GABRB1: variants seen among roughly 807,000 people sequenced by gnomAD.
GABRB1 encodes the protein gamma-aminobutyric acid type A receptor subunit beta1.
In GABRB1, 17 loss-of-function variants were observed where a neutral mutation model predicts 51.6. The ratio of observed to expected loss-of-function variants is 0.33; its 90% CI spans 0.23 to 0.49. GABRB1 has a LOEUF of 0.49. GABRB1 is among the 20% of genes least tolerant of loss of function. The pLI is 0.99. For synonymous variants in GABRB1, 247 were observed against 218.9 expected, an observed-to-expected ratio of 1.13 and a Z score of -1.14; for missense variants, 410 against 600.6, an observed-to-expected ratio of 0.68 and a Z score of 3.32.
intron 3 of GABRB1, among the ~76,000 whole-genome samples, chr4:47,113,477 A>C (rs1292118420): frequency 2.0e-5 from 3 of 152,242 alleles, no homozygotes; most frequent in Non-Finnish European, 4.4e-5. Context: ...CATATGTTAA[A>C]CAATAAATAG....
chr4:47,391,202 G>A (rs1412713503), intron 5 of GABRB1, among the ~76,000 whole-genome samples: 2 of 143,178 alleles, frequency 1.4e-5, no homozygotes, highest in Non-Finnish European at 3.0e-5. Flanking sequence ...GAAAGAAAAG[G>A]AGTAAGCCTT....
intron 3 of GABRB1, among the ~76,000 whole-genome samples, chr4:47,049,106 G>A (rs904409319): frequency 1.3e-5 from 2 of 151,524 alleles, no homozygotes; most frequent in African/African-American, 2.4e-5. Context: ...GAGTTTTTCG[G>A]TGCAAATCCA....
chr4:47,026,413 G>T (rs1725096889), intron 1 of GABRB1, among the ~76,000 whole-genome samples: 1 of 151,926 alleles, frequency 6.6e-6, no homozygotes, highest in Non-Finnish European at 1.5e-5. Context: ...TTTTATAAAA[G>T]AAGATAAAAA....
chr4:47,019,530 A>G (rs1724845091), intron 1 of GABRB1, among the ~76,000 whole-genome samples: 1 of 149,476 alleles, frequency 6.7e-6, no homozygotes, highest in Non-Finnish European at 1.5e-5. Flanking sequence ...TCCAAGATAA[A>G]GGTGTCAGCA....
At chr4:47,152,789 C>T (rs1001799952) in intron 3 of GABRB1, among the ~76,000 whole-genome samples, 1 of 152,002 alleles carries the variant, frequency 6.6e-6, no homozygotes, top group Non-Finnish European at 1.5e-5. Context: ...TCCTTTGGTG[C>T]CTCCTTCTCC....
chr4:47,329,036 T>A (rs973494938), intron 5 of GABRB1, among the ~76,000 whole-genome samples: 2 of 152,080 alleles, frequency 1.3e-5, no homozygotes, highest in Non-Finnish European at 2.9e-5. Flanking sequence ...TTTATTCAAG[T>A]AAAGCACTAC....
chr4:47,092,494 G>T (rs1728365742), intron 3 of GABRB1, among the ~76,000 whole-genome samples: 1 of 151,714 alleles, frequency 6.6e-6, no homozygotes, highest in Non-Finnish European at 1.5e-5. Context: ...ATTCTAAAGG[G>T]CTTGGCACCT....
At chr4:47,231,892 T>G (rs565988935) in intron 4 of GABRB1, among the ~76,000 whole-genome samples, 1 of 152,332 alleles carries the variant, frequency 6.6e-6, no homozygotes, top group African/African-American at 2.4e-5. Flanking sequence ...AACAAATTGG[T>G]GATGCTGATC....
At position 47,361,786 on chromosome 4, in the gene GABRB1, TTGA is replaced by T. The variant is rs1726815128; in HGVS notation, c.545-41527_545-41525del. 2.0e-5 allele frequency among the ~76,000 whole-genome samples: 3 copies of T among 152,150 alleles called. No individual in the cohort carries two copies. The South Asian group carries it at 6.2e-4, about 31-fold the overall frequency. ...CAAGTTTCTGAATGGTGCAACTTTG[TTGA>T]TGATAGGTTTTGATGGGGAAATCAA... On this transcript the variant is annotated intron_variant, in intron 5 of 8. Transcript: ENST00000295454.
At chr4:47,291,420 G>T (rs1361156635) in intron 4 of GABRB1, among the ~76,000 whole-genome samples, 1 of 152,150 alleles carries the variant, frequency 6.6e-6, no homozygotes, top group Non-Finnish European at 1.5e-5. Flanking sequence ...AGGGAAATGT[G>T]GTGTCGGAGC....
chr4:47,165,931 TGAGA>T (rs1489315152), intron 4 of GABRB1, among the ~76,000 whole-genome samples: 1 of 152,266 alleles, frequency 6.6e-6, no homozygotes. Flanking sequence ...CTTTTGTCAC[TGAGA>T]CTTAATCTGT....
intron 3 of GABRB1, among the ~76,000 whole-genome samples, chr4:47,114,577 C>A (rs1715386019): frequency 6.6e-6 from 1 of 152,110 alleles, no homozygotes; most frequent in Non-Finnish European, 1.5e-5. Context: ...AATTTCTGCC[C>A]AGATATTTGG....
chr4:47,195,780 G>A (rs1719660853), intron 4 of GABRB1, among the ~76,000 whole-genome samples: 1 of 152,114 alleles, frequency 6.6e-6, no homozygotes, highest in Non-Finnish European at 1.5e-5. Flanking sequence ...AGACTCCACT[G>A]AATTATTCCA....
At chr4:47,140,800 G>T (rs1458306113) in intron 3 of GABRB1, among the ~76,000 whole-genome samples, 2 of 148,396 alleles carry the variant, frequency 1.3e-5, no homozygotes, top group African/African-American at 2.5e-5. Flanking sequence ...ACCAACTTAA[G>T]CTAGCTTATC....
intron 4 of GABRB1, among the ~76,000 whole-genome samples, chr4:47,262,351 AAAAC>A (rs1460316818): frequency 6.6e-6 from 1 of 152,144 alleles, no homozygotes; most frequent in African/African-American, 2.4e-5. Flanking sequence ...TTACAAGAAA[AAAAC>A]AAACAACCCC....
At chr4:47,073,649 G>C (rs768635553) in intron 3 of GABRB1, among the ~76,000 whole-genome samples, 2 of 152,110 alleles carry the variant, frequency 1.3e-5, no homozygotes, top group African/African-American at 2.4e-5. Flanking sequence ...AGTTACTTTT[G>C]CCTTTCTCTT....
intron 3 of GABRB1, among the ~76,000 whole-genome samples, chr4:47,142,814 C>T (rs921518682): frequency 6.6e-6 from 1 of 151,832 alleles, no homozygotes; most frequent in Non-Finnish European, 1.5e-5. Flanking sequence ...GAATGCATGA[C>T]CAAGATGTGC....
intron 5 of GABRB1, among the ~76,000 whole-genome samples, chr4:47,352,615 C>T (rs561434815): frequency 2.0e-4 from 30 of 152,268 alleles, no homozygotes; most frequent in East Asian, 9.6e-4. Context: ...GTTCAATATA[C>T]GCAAATCAAT....
chr4:47,109,557 G>A (rs919638174), intron 3 of GABRB1, among the ~76,000 whole-genome samples: 1 of 152,044 alleles, frequency 6.6e-6, no homozygotes, highest in Non-Finnish European at 1.5e-5. Flanking sequence ...AATAGAGACT[G>A]CAAGGGAGAC....
Sources: gnomAD v4.1 joint callset for allele counts (sites outside exome capture counted in the v4.1 genomes callset) on GRCh38, gnomAD v4.1.1 for gene constraint, MANE v1.5 for transcripts, NCBI Gene and HGNC (gene_info 2026-07-23, HGNC 2026-07-21) for gene names.